The following DCC variants were observed in gnomAD, a reference collection of about 807,000 sequenced individuals.
DCC encodes netrin receptor DCC.
In DCC, 58 loss-of-function variants were observed where a neutral mutation model predicts 172.5. The ratio of observed to expected loss-of-function variants is 0.34; its 90% confidence interval spans 0.27 to 0.42. DCC has a LOEUF of 0.42. Among genes scored for constraint, DCC ranks in the 10% least tolerant of loss-of-function variants. The pLI, the probability that DCC is intolerant of heterozygous loss-of-function variation, is 1.00. For synonymous variants in DCC, 709 were observed against 644.5 expected (o/e 1.10, Z -1.52); for missense variants, 1,740 against 1,791.0 (o/e 0.97, Z 0.51).
chr18:52,599,617 C>T (rs548054170), intron 1 of DCC, among the ~76,000 whole-genome samples: 30 of 152,136 alleles, frequency 2.0e-4, no homozygotes, highest in South Asian at 1.5e-3. Flanking sequence ...TGGGTTCAAG[C>T]GATTCTCCTG....
At chr18:53,207,424 A>G (rs1388703184) in intron 10 of DCC, among the ~76,000 whole-genome samples, 1 of 152,232 alleles carries the variant, frequency 6.6e-6, no homozygotes, top group Non-Finnish European at 1.5e-5. Context: ...CAAACCATTC[A>G]GTACATTGAG....
chr18:52,414,172 C>G (rs1986936761), intron 1 of DCC, among the ~76,000 whole-genome samples: 1 of 152,076 alleles, frequency 6.6e-6, no homozygotes, highest in South Asian at 2.1e-4. Context: ...CCTCCACCTC[C>G]TGGGTTCAAG....
Position 53,001,710 on chromosome 18 carries a change from C to A in DCC, c.986-61595C>A, listed in dbSNP as rs1037913770. Among the ~76,000 whole-genome samples, 6 of 151,922 alleles carry A rather than the reference C, an allele frequency of 3.9e-5. 1 individual carries two copies. The highest frequency in any genetic ancestry group is 1.2e-4 in the African/African-American group (5 of 41,382). Reference sequence around the variant, plus strand: ...TTGCCTTTCTTTTTTCCCTTAGAAGCAATAATGAATTTTATCTGGATGAGA... The same window carrying A: ...TTGCCTTTCTTTTTTCCCTTAGAAGAAATAATGAATTTTATCTGGATGAGA... On this transcript the variant is annotated intron_variant, in intron 5 of 28. Transcript: ENST00000442544.
intron 5 of DCC, among the ~76,000 whole-genome samples, chr18:53,029,058 C>G (rs950468834): frequency 6.7e-6 from 1 of 148,262 alleles, no homozygotes; most frequent in Admixed American, 6.6e-5. Flanking sequence ...TTCATATGAG[C>G]CATATTTTGT....
intron 2 of DCC, among the ~76,000 whole-genome samples, chr18:52,878,459 A>G (rs2039434244): frequency 6.6e-6 from 1 of 152,102 alleles, no homozygotes; most frequent in African/African-American, 2.4e-5. Context: ...TGTCCAAATC[A>G]CCACCTACAT....
chr18:52,373,873 A>G (rs1446251213), intron 1 of DCC, among the ~76,000 whole-genome samples: 2 of 148,022 alleles, frequency 1.4e-5, no homozygotes, highest in African/African-American at 2.5e-5. Context: ...TCAATGAAGC[A>G]TATTTGGTTG....
At chr18:52,708,198 T>G (rs1260885801) in intron 1 of DCC, among the ~76,000 whole-genome samples, 1 of 152,092 alleles carries the variant, frequency 6.6e-6, no homozygotes, top group African/African-American at 2.4e-5. Flanking sequence ...TCCCAGCACT[T>G]TGGGAGGCCG....
chr18:53,508,944 A>C (rs1251191573), intron 27 of DCC, among the ~76,000 whole-genome samples: 2 of 152,198 alleles, frequency 1.3e-5, no homozygotes, highest in Non-Finnish European at 2.9e-5. Context: ...CCACATTACA[A>C]TAGCATAGGT....
chr18:52,865,119 C>G (rs1312159578), intron 2 of DCC, among the ~76,000 whole-genome samples: 2 of 152,072 alleles, frequency 1.3e-5, no homozygotes, highest in Admixed American at 1.3e-4. Context: ...CCCGCCTTGG[C>G]CTCCCAAAGT....
At chr18:53,315,875 C>T (rs940686549) in intron 13 of DCC, among the ~76,000 whole-genome samples, 6 of 152,024 alleles carry the variant, frequency 3.9e-5, no homozygotes, top group Admixed American at 6.5e-5. Context: ...AGCCCTTTGT[C>T]AGATGGATAG....
intron 24 of DCC, among the ~76,000 whole-genome samples, chr18:53,463,545 G>T (rs2045584466): frequency 6.6e-6 from 1 of 152,076 alleles, no homozygotes; most frequent in African/African-American, 2.4e-5. Context: ...AACTATGTAA[G>T]GAGAGATTAC....
At chr18:53,487,653 A>G (rs2045917653) in intron 26 of DCC, among the ~76,000 whole-genome samples, 1 of 152,044 alleles carries the variant, frequency 6.6e-6, no homozygotes, top group South Asian at 2.1e-4. Context: ...GATAGTAACA[A>G]CAATAAAATA....
chr18:52,930,945 G>A (rs1393621447), intron 5 of DCC, among the ~76,000 whole-genome samples: 1 of 151,976 alleles, frequency 6.6e-6, no homozygotes, highest in African/African-American at 2.4e-5. Context: ...GTTTAAATTA[G>A]AAGCATGATT....
At chr18:52,792,195 T>A (rs1360692875) in intron 2 of DCC, among the ~76,000 whole-genome samples, 2 of 150,260 alleles carry the variant, frequency 1.3e-5, no homozygotes, top group Non-Finnish European at 3.0e-5. Context: ...CTGTGGGGGG[T>A]GCGAGGGTGG....
At chr18:52,821,719 T>C (rs143702710) in intron 2 of DCC, among the ~76,000 whole-genome samples, 60 of 152,344 alleles carry the variant, frequency 3.9e-4, no homozygotes, top group Admixed American at 1.4e-3. Context: ...AATATTTATT[T>C]CTGTATGTAT....
chr18:52,431,054 T>G (rs2144467385), intron 1 of DCC, among the ~76,000 whole-genome samples: 1 of 152,294 alleles, frequency 6.6e-6, no homozygotes, highest in Non-Finnish European at 1.5e-5. Flanking sequence ...GTACTTCCAC[T>G]TGCCCTTAAT....
Position 53,106,222 on chromosome 18 carries a change from C to CCTAGATTCTTAGCTAAGGACAG in DCC, c.1261+40061_1261+40082dup, listed in dbSNP as rs1253004915. On this transcript the variant is annotated intron_variant, in intron 7 of 28. Transcript: ENST00000442544. ...CGTCTTATTTCCCATTGCTGCCTAA[C>CCTAGATTCTTAGCTAAGGACAG]CTAGATTCTTAGCTAAGGACAGCTA... Among the ~76,000 whole-genome samples, 41 of 152,018 alleles carry CCTAGATTCTTAGCTAAGGACAG rather than the reference C, an allele frequency of 2.7e-4. 1 individual carries two copies. The highest frequency in any genetic ancestry group is 5.9e-4 in the Admixed American group (9 of 15,234).
chr18:52,597,753 G>A (rs980735260), intron 1 of DCC, among the ~76,000 whole-genome samples: 2 of 152,150 alleles, frequency 1.3e-5, no homozygotes, highest in Non-Finnish European at 2.9e-5. Flanking sequence ...CAGGTTTCAG[G>A]AAGTCAAAGA....
intron 1 of DCC, among the ~76,000 whole-genome samples, chr18:52,618,637 T>C (rs2034426062): frequency 6.6e-6 from 1 of 152,228 alleles, no homozygotes; most frequent in Non-Finnish European, 1.5e-5. Flanking sequence ...GGTCATCTTG[T>C]GTGAAACAAT....
Sources: allele counts gnomAD v4.1 joint callset (sites outside exome capture counted in the v4.1 genomes callset), GRCh38; gene constraint gnomAD v4.1.1; transcripts MANE v1.5; gene names NCBI Gene and HGNC (gene_info 2026-07-23, HGNC 2026-07-21).